RASAL2: variants seen among roughly 807,000 people sequenced by gnomAD.
The protein encoded by RASAL2 is RAS protein activator like 2.
RASAL2 carries 58 observed loss-of-function variants against 128.9 expected under a neutral mutation model. That is an observed-to-expected ratio of 0.45 (90% CI 0.36 to 0.56). The LOEUF (loss-of-function observed/expected upper bound fraction) is 0.56, where lower values mean the gene tolerates loss of function less well. Among genes scored for constraint, RASAL2 ranks in the 20% least tolerant of loss-of-function variants. The pLI is 0.00. For missense variants in RASAL2, 1,360 were observed against 1,601.6 expected (o/e 0.85, Z 2.57); for synonymous variants, 561 against 580.8 (o/e 0.97, Z 0.49).
intron 1 of RASAL2, among the ~76,000 whole-genome samples, chr1:178,254,399 A>G (rs531279814): frequency 6.6e-6 from 1 of 152,358 alleles, no homozygotes; most frequent in Admixed American, 6.5e-5. Flanking sequence ...GATTATGTCA[A>G]CTTTTGGCAT....
At chr1:178,307,079 A>G (rs1347061469) in intron 3 of RASAL2, among the ~76,000 whole-genome samples, 1 of 152,052 alleles carries the variant, frequency 6.6e-6, no homozygotes, top group Non-Finnish European at 1.5e-5. Context: ...GACAAGTTAT[A>G]TAACAGCATG....
chr1:178,103,946 T>C (rs748764363), intron 1 of RASAL2, among the ~76,000 whole-genome samples: 3 of 152,094 alleles, frequency 2.0e-5, no homozygotes, highest in Admixed American at 6.6e-5. Context: ...CTGGGAGTTC[T>C]CTGGACCTTT....
chr1:178,201,323 G>C (rs937040099), intron 1 of RASAL2, among the ~76,000 whole-genome samples: 2 of 152,200 alleles, frequency 1.3e-5, no homozygotes, highest in East Asian at 3.9e-4. Context: ...CCCACTGTGA[G>C]TAAGCTGGAA....
At chr1:178,472,203 C>T (rs73037568) in intron 17 of RASAL2, among the ~76,000 whole-genome samples, 10,405 of 152,192 alleles carry the variant, frequency 0.068, 1,148 homozygotes, top group African/African-American at 0.23. Context: ...TTTAGATAGT[C>T]CTACTTTCCT....
At chr1:178,366,594 C>CT (rs1260789668) in intron 3 of RASAL2, among the ~76,000 whole-genome samples, 2 of 63,406 alleles carry the variant, frequency 3.2e-5, no homozygotes, top group East Asian at 8.6e-4. Context: ...CCCCCCCCCG[C>CT]CAAAAAAAAA....
chr1:178,277,969 A>T (rs982041696), intron 1 of RASAL2, among the ~76,000 whole-genome samples: 1 of 152,180 alleles, frequency 6.6e-6, no homozygotes, highest in African/African-American at 2.4e-5. Context: ...TTATTGTGAG[A>T]CATCACCCAG....
intron 4 of RASAL2, among the ~76,000 whole-genome samples, chr1:178,412,992 CTTTCTCTTTCTTTCTTTCT>C (rs1430728527): frequency 3.3e-5 from 5 of 151,538 alleles, no homozygotes; most frequent in Middle Eastern, 3.4e-3. Flanking sequence ...CTTTTTCTTT[CTTTCTCTTTCTTTCTTTCT>C]TTTCTCTTTC....
intron 3 of RASAL2, among the ~76,000 whole-genome samples, chr1:178,367,180 G>A (rs1475229609): frequency 6.6e-6 from 1 of 152,032 alleles, no homozygotes; most frequent in Non-Finnish European, 1.5e-5. Context: ...ACATGATCTG[G>A]CTTCCTATTA....
intron 1 of RASAL2, among the ~76,000 whole-genome samples, chr1:178,269,876 C>G (rs1004145676): frequency 6.6e-6 from 1 of 152,106 alleles, no homozygotes; most frequent in Non-Finnish European, 1.5e-5. Flanking sequence ...TTCTTTATTG[C>G]GTGAGATCCA....
Position 178,442,813 on chromosome 1 carries a change from G to C in RASAL2, c.1066G>C (p.Asp356His). ...FARTTSKTKA[D>H]NIFWGEHFEF... Reference sequence around the variant, plus strand: ...TCGTACAACCAGCAAGACCAAAGCAGACAATATTTTCTGGGGCGAACATTT... The same window carrying C: ...TCGTACAACCAGCAAGACCAAAGCACACAATATTTTCTGGGGCGAACATTT... Residue 356 changes from aspartate (D) to histidine (H), a missense_variant, in exon 8 of 18, where the codon GAC becomes CAC. Asp to His is a moderately conservative substitution (Grantham distance 81, BLOSUM62 -1). Transcript: ENST00000367649. 6.2e-7 allele frequency: 1 copy of C among 1,613,850 alleles called. No individual in the cohort carries two copies. The highest frequency in any genetic ancestry group is 8.5e-7 in the Non-Finnish European group (1 of 1,179,936).
In RASAL2 at chr1:178,277,163, A is replaced by AG. The variant is rs1454251178; in HGVS notation, c.203-6401_203-6400insG. On this transcript the variant is annotated intron_variant, in intron 1 of 17. Coordinates refer to ENST00000367649, the MANE Select transcript of RASAL2 (RefSeq NM_170692.4). ...ATTCCCTCTCAAAAAAAAAAAAAAA[A>AG]AAAAAAACCAAAAACTTGTTAATTG... Among the ~76,000 whole-genome samples the AG allele has an allele frequency of 6.5e-4, 99 of 151,712 alleles. 1 individual carries two copies. The highest frequency in any genetic ancestry group is 6.2e-3 in the Admixed American group (95 of 15,222).
chr1:178,341,871 A>C (rs181476451), intron 3 of RASAL2, among the ~76,000 whole-genome samples: 47 of 152,334 alleles, frequency 3.1e-4, no homozygotes, highest in African/African-American at 1.1e-3. Context: ...GCAAAATATT[A>C]ACACTGCAGC....
At chr1:178,174,143 A>G (rs1661805547) in intron 1 of RASAL2, among the ~76,000 whole-genome samples, 1 of 152,086 alleles carries the variant, frequency 6.6e-6, no homozygotes, top group Non-Finnish European at 1.5e-5. Flanking sequence ...TTAGTATGAT[A>G]TGAAAAACGT....
At position 178,474,569 on chromosome 1, in the gene RASAL2, A is replaced by C. The variant is rs1214002017; in HGVS notation, c.*1330A>C. 1.3e-5 allele frequency: 2 copies of C among 152,228 alleles called. No individual in the cohort carries two copies. The highest frequency in any genetic ancestry group is 2.9e-5 in the Non-Finnish European group (2 of 68,050). The allele number at this position is 152,228 out of a possible 1,614,324, so 9.4% of individuals were successfully genotyped here. A position where few individuals can be genotyped will look rare whatever the true frequency, so the allele number is the denominator to read the frequency against. On this transcript the variant is annotated 3_prime_UTR_variant, in exon 18 of 18. Coordinates refer to ENST00000367649, the MANE Select transcript of RASAL2 (RefSeq NM_170692.4). ...ATCCATAGCCTTATTATTATAGAAC[A>C]GAAAAAGTCATGGAAACGAATTCAT...
intron 1 of RASAL2, among the ~76,000 whole-genome samples, chr1:178,239,801 T>TA (rs979089843): frequency 1.3e-5 from 2 of 152,026 alleles, no homozygotes; most frequent in Non-Finnish European, 2.9e-5. Context: ...CTCTAGTATT[T>TA]AAGTTTTATT....
rs11800585 is a variant in RASAL2 at position 178,176,858 on chromosome 1, T to C, written c.202+82164T>C. 5.6e-3 allele frequency among the ~76,000 whole-genome samples: 847 copies of C among 152,092 alleles called. 11 individuals are homozygous for C. Among genetic ancestry groups the C allele is most frequent in the African/African-American group, 0.019 (793 of 41,504 alleles). On this transcript the variant is annotated intron_variant, in intron 1 of 17. Coordinates refer to ENST00000367649, the MANE Select transcript of RASAL2 (RefSeq NM_170692.4). Reference sequence around the variant, plus strand: ...AGAGACAGGGTTTCACTATGTTGCCTAGGCTGATCTTGAACTGTTGGCCTA... The same window carrying C: ...AGAGACAGGGTTTCACTATGTTGCCCAGGCTGATCTTGAACTGTTGGCCTA...
intron 3 of RASAL2, among the ~76,000 whole-genome samples, chr1:178,319,625 G>A (rs900221103): frequency 9.4e-5 from 14 of 148,680 alleles, no homozygotes; most frequent in Admixed American, 6.6e-4. Context: ...TAGTTCTCGA[G>A]CCTTGGTTTT....
chr1:178,412,027 C>A, intron 4 of RASAL2: 47 of 393,212 alleles, frequency 1.2e-4, no homozygotes, highest in South Asian at 2.7e-4. Context: ...CAAGACTCCT[C>A]AAAATACTTT....
chr1:178,416,698 T>C (rs1176904875), intron 4 of RASAL2, among the ~76,000 whole-genome samples: 1 of 152,116 alleles, frequency 6.6e-6, no homozygotes, highest in African/African-American at 2.4e-5. Context: ...AAGCTTTATT[T>C]CACCTTCACT....
Sources: gnomAD v4.1 joint callset for allele counts (sites outside exome capture counted in the v4.1 genomes callset) on GRCh38, gnomAD v4.1.1 for gene constraint, MANE v1.5 for transcripts, NCBI Gene and HGNC (gene_info 2026-07-23, HGNC 2026-07-21) for gene names.